The following CTNND2 variants were observed in gnomAD, a reference collection of about 807,000 sequenced individuals.
The protein encoded by CTNND2 is catenin delta-2.
A neutral mutation model predicts 144.4 loss-of-function variants in CTNND2; 22 were observed. The observed-to-expected ratio is 0.15, with a 90% CI of 0.11 to 0.22. CTNND2 has a LOEUF of 0.22. Among genes scored for constraint, CTNND2 ranks in the 10% least tolerant of loss-of-function variants. CTNND2 has a pLI of 1.00. For synonymous variants in CTNND2, 751 were observed against 695.6 expected (o/e 1.08, Z -1.25); for missense variants, 1,353 against 1,618.8 (o/e 0.84, Z 2.82).
chr5:11,438,247 A>G (rs916340213), intron 3 of CTNND2, among the ~76,000 whole-genome samples: 4 of 152,232 alleles, frequency 2.6e-5, no homozygotes, highest in Admixed American at 2.6e-4. Flanking sequence ...TCAATTATAT[A>G]TTTCCATTTC....
rs1760505499 is a variant in CTNND2, at chr5:11,400,122, T to C, written c.440-2919A>G. ...AGTTTTGGGCTTTAAATTATGTTTTTTTTTTCCTCTGGAACTTTTGACTTT... is the reference window on the plus strand; with the variant it reads ...AGTTTTGGGCTTTAAATTATGTTTTCTTTTTCCTCTGGAACTTTTGACTTT... On this transcript the variant is annotated intron_variant, in intron 5 of 21. Transcript: ENST00000304623. Among the ~76,000 whole-genome samples the C allele has an allele frequency of 2.0e-5, 3 of 152,234 alleles. No homozygotes were observed. The South Asian group carries it at 6.2e-4, about 31-fold the overall frequency.
chr5:11,670,877 T>C (rs528909643), intron 2 of CTNND2, among the ~76,000 whole-genome samples: 28 of 152,340 alleles, frequency 1.8e-4, no homozygotes, highest in African/African-American at 6.5e-4. Flanking sequence ...GTGTCAATGG[T>C]CTTTACAATT....
At chr5:11,235,934 A>G (rs1741581649) in intron 10 of CTNND2, among the ~76,000 whole-genome samples, 1 of 152,232 alleles carries the variant, frequency 6.6e-6, no homozygotes, top group South Asian at 2.1e-4. Flanking sequence ...TACACGCCAT[A>G]AAGATGACTC....
At chr5:11,427,695 T>C (rs1762904905) in intron 3 of CTNND2, among the ~76,000 whole-genome samples, 1 of 152,110 alleles carries the variant, frequency 6.6e-6, no homozygotes, top group African/African-American at 2.4e-5. Flanking sequence ...ATAAGGTACA[T>C]GAAGGTCCCA....
At chr5:11,838,616 G>T (rs762552637) in intron 1 of CTNND2, among the ~76,000 whole-genome samples, 1 of 152,160 alleles carries the variant, frequency 6.6e-6, no homozygotes, top group Non-Finnish European at 1.5e-5. Flanking sequence ...TGAAGGTCAG[G>T]CCCTGCATCA....
chr5:11,798,438 G>A (rs979475437), intron 1 of CTNND2, among the ~76,000 whole-genome samples: 1 of 152,108 alleles, frequency 6.6e-6, no homozygotes, highest in African/African-American at 2.4e-5. Flanking sequence ...TGTGTATGAA[G>A]TGAGAGTCCA....
At position 11,591,555 on chromosome 5, in the gene CTNND2, C is replaced by CTT. The variant is rs76364086; in HGVS notation, c.175-26501_175-26500dup. On this transcript the variant is annotated intron_variant, in intron 2 of 21. Coordinates refer to ENST00000304623, the MANE Select transcript of CTNND2 (RefSeq NM_001332.4). Reference sequence around the variant, plus strand: ...TCATTTCAGCAATAGCTATTTTTTTCTTTTTTTTGAATAATCTTTGCCAGC... The same window carrying CTT: ...TCATTTCAGCAATAGCTATTTTTTTCTTTTTTTTTTGAATAATCTTTGCCAGC... Among the ~76,000 whole-genome samples, 969 of 150,832 alleles carry CTT rather than the reference C, an allele frequency of 6.4e-3. 3 individuals are homozygous for CTT. The highest frequency in any genetic ancestry group is 8.7e-3 in the Non-Finnish European group (589 of 67,822).
At chr5:11,358,739 G>C (rs76649879) in intron 8 of CTNND2, among the ~76,000 whole-genome samples, 1 of 151,452 alleles carries the variant, frequency 6.6e-6, no homozygotes, top group African/African-American at 2.4e-5. Flanking sequence ...AGAGGATTAC[G>C]TTTTTTTTAG....
At chr5:11,655,011 G>A (rs995794943) in intron 2 of CTNND2, among the ~76,000 whole-genome samples, 2 of 151,924 alleles carry the variant, frequency 1.3e-5, no homozygotes. Flanking sequence ...GGGAGCACTG[G>A]TTTATGTATA....
rs2561599 is a variant in CTNND2, at chr5:11,636,609, A to G, written c.175-71553T>C. ...TTTCCAACCTCTGGTACAATTGGCAAGTTAACTCTGACTGAAAAAGTTTTT... is the reference window on the plus strand; with the variant it reads ...TTTCCAACCTCTGGTACAATTGGCAGGTTAACTCTGACTGAAAAAGTTTTT... On this transcript the variant is annotated intron_variant, in intron 2 of 21. Coordinates refer to ENST00000304623, the MANE Select transcript of CTNND2 (RefSeq NM_001332.4). Among the ~76,000 whole-genome samples the G allele has an allele frequency of 2.8e-3, 429 of 152,322 alleles. 1 individual carries two copies. The highest frequency in any genetic ancestry group is 9.8e-3 in the African/African-American group (406 of 41,578).
At chr5:10,992,252 CG>C (rs1190679581) in intron 19 of CTNND2, among the ~76,000 whole-genome samples, 3 of 152,178 alleles carry the variant, frequency 2.0e-5, no homozygotes, top group African/African-American at 4.8e-5. Context: ...AAATTGTCCA[CG>C]GAAACCCCGG....
At chr5:11,228,503 T>TTTTTA (rs1740621604) in intron 10 of CTNND2, among the ~76,000 whole-genome samples, 1 of 150,704 alleles carries the variant, frequency 6.6e-6, no homozygotes, top group African/African-American at 2.4e-5. Context: ...TTTTTTTTTT[T>TTTTTA]GAGACAGAGT....
chr5:11,603,980 T>C (rs575459044), intron 2 of CTNND2, among the ~76,000 whole-genome samples: 14 of 152,360 alleles, frequency 9.2e-5, no homozygotes, highest in South Asian at 6.2e-4. Flanking sequence ...ATTTAATCAT[T>C]GCCTTACAGA....
intron 1 of CTNND2, among the ~76,000 whole-genome samples, chr5:11,859,933 A>G (rs1179394373): frequency 6.6e-6 from 1 of 152,192 alleles, no homozygotes; most frequent in Non-Finnish European, 1.5e-5. Context: ...ATATAGACTG[A>G]AAGATCCCTC....
intron 3 of CTNND2, among the ~76,000 whole-genome samples, chr5:11,426,059 A>T (rs966340935): frequency 6.6e-6 from 1 of 151,716 alleles, no homozygotes; most frequent in Admixed American, 6.6e-5. Flanking sequence ...CCTCTCAGTA[A>T]TTTTCTATCC....
chr5:11,470,978 ATATTT>A (rs1179476853), intron 3 of CTNND2, among the ~76,000 whole-genome samples: 4 of 95,872 alleles, frequency 4.2e-5, no homozygotes, highest in Admixed American at 9.7e-5. Flanking sequence ...ATATATATAT[ATATTT>A]TTTTTTTTTT....
At position 11,862,513 on chromosome 5, in the gene CTNND2, G is replaced by C. The variant is rs182400097; in HGVS notation, c.37+41304C>G. ...CCCAAAAGTACATTCATGGAGTATG[G>C]TTTTAGGAAACTAGAAAACTTGATG... On this transcript the variant is annotated intron_variant, in intron 1 of 21. Transcript: ENST00000304623. Among the ~76,000 whole-genome samples the C allele has an allele frequency of 1.3e-3, 203 of 152,214 alleles. 2 individuals are homozygous for C. Among genetic ancestry groups the C allele is most frequent in the Non-Finnish European group, 1.9e-3 (131 of 68,004 alleles).
At chr5:11,181,852 ATG>A (rs982981327) in intron 11 of CTNND2, among the ~76,000 whole-genome samples, 46 of 36,320 alleles carry the variant, frequency 1.3e-3, no homozygotes, top group South Asian at 4.4e-3. Context: ...GTGTGTGTGG[ATG>A]TGTGTGTGTG....
intron 21 of CTNND2, among the ~76,000 whole-genome samples, chr5:10,978,411 A>G (rs1241527283): frequency 6.6e-6 from 1 of 152,186 alleles, no homozygotes; most frequent in Non-Finnish European, 1.5e-5. Flanking sequence ...TTCCTATAAC[A>G]TAGTCTAAAA....
Sources: gnomAD v4.1 joint callset for allele counts (sites outside exome capture counted in the v4.1 genomes callset) on GRCh38, gnomAD v4.1.1 for gene constraint, MANE v1.5 for transcripts, NCBI Gene and HGNC (gene_info 2026-07-23, HGNC 2026-07-21) for gene names.